TRIM44: variants seen among roughly 807,000 people sequenced by gnomAD.
The protein encoded by TRIM44 is tripartite motif-containing protein 44.
TRIM44 carries 13 observed loss-of-function variants against 37.4 expected under a neutral mutation model. The observed-to-expected ratio is 0.35, with a 90% CI of 0.23 to 0.55. The LOEUF is 0.55. Ranked by LOEUF, TRIM44 falls within the 20% of genes least tolerant of loss-of-function variation. TRIM44 has a pLI of 0.89. For missense variants in TRIM44, 426 were observed against 437.2 expected, an observed-to-expected ratio of 0.97 and a Z score of 0.23; for synonymous variants, 175 against 157.2, an observed-to-expected ratio of 1.11 and a Z score of -0.85.
intron 1 of TRIM44, among the ~76,000 whole-genome samples, chr11:35,673,237 A>G (rs1223689570): frequency 6.6e-6 from 1 of 152,230 alleles, no homozygotes; most frequent in East Asian, 1.9e-4. Flanking sequence ...GATGTGTTAT[A>G]GAAGGCATCT....
chr11:35,666,974 T>G (rs1235220300), intron 1 of TRIM44, among the ~76,000 whole-genome samples: 2 of 152,224 alleles, frequency 1.3e-5, no homozygotes, highest in Admixed American at 1.3e-4. Flanking sequence ...GTTATTTGTT[T>G]TTTCTTGCCT....
chr11:35,756,260 T>C (rs1445810782), intron 4 of TRIM44, among the ~76,000 whole-genome samples: 1 of 152,164 alleles, frequency 6.6e-6, no homozygotes, highest in African/African-American at 2.4e-5. Flanking sequence ...GTATTCTCTT[T>C]GAAGCAATTG....
At chr11:35,683,787 A>G (rs1033363083) in intron 1 of TRIM44, among the ~76,000 whole-genome samples, 2 of 151,910 alleles carry the variant, frequency 1.3e-5, no homozygotes, top group African/African-American at 4.8e-5. Context: ...TTAAGGTTAT[A>G]TGTTCATTCA....
chr11:35,686,371 TTTG>T (rs1424127658), intron 2 of TRIM44, among the ~76,000 whole-genome samples: 1 of 150,676 alleles, frequency 6.6e-6, no homozygotes, highest in African/African-American at 2.5e-5. Context: ...TGTTTTTGTT[TTTG>T]TTTTTTTTTT....
At chr11:35,801,847 A>C (rs1853374847) in intron 4 of TRIM44, among the ~76,000 whole-genome samples, 1 of 152,190 alleles carries the variant, frequency 6.6e-6, no homozygotes, top group Admixed American at 6.5e-5. Context: ...AGGAGCTCCC[A>C]GTTCCTTTAG....
At chr11:35,669,352 C>G (rs1851365784) in intron 1 of TRIM44, among the ~76,000 whole-genome samples, 1 of 152,038 alleles carries the variant, frequency 6.6e-6, no homozygotes, top group Non-Finnish European at 1.5e-5. Context: ...CTCTACCTTC[C>G]CCTTTGGATG....
chr11:35,680,556 T>G (rs1851510846), intron 1 of TRIM44, among the ~76,000 whole-genome samples: 1 of 152,202 alleles, frequency 6.6e-6, no homozygotes, highest in African/African-American at 2.4e-5. Flanking sequence ...ATTCCACAGT[T>G]TATTTAGCCA....
At chr11:35,783,310 A>C (rs1853088717) in intron 4 of TRIM44, among the ~76,000 whole-genome samples, 1 of 152,104 alleles carries the variant, frequency 6.6e-6, no homozygotes, top group South Asian at 2.1e-4. Flanking sequence ...AAATGATCAA[A>C]ATGTTCTCCC....
At chr11:35,794,196 G>A (rs765174763) in intron 4 of TRIM44, among the ~76,000 whole-genome samples, 81 of 152,288 alleles carry the variant, frequency 5.3e-4, no homozygotes, top group Non-Finnish European at 1.8e-4. Context: ...GAGGGAAAGA[G>A]GGGAGCCATG....
At position 35,696,884 on chromosome 11, in the gene TRIM44, A is replaced by T. The variant is rs143260105; in HGVS notation, c.747+11548A>T. On this transcript the variant is annotated intron_variant, in intron 2 of 4. Coordinates refer to ENST00000299413, the MANE Select transcript of TRIM44 (RefSeq NM_017583.6). ...AACAATTAATTAATTAATTAATTAA[A>T]TAAAAGGCAAACAAAAATGTTTCAT... 8.1e-3 allele frequency among the ~76,000 whole-genome samples: 1,229 copies of T among 152,194 alleles called. 12 individuals carry two copies. The highest frequency in any genetic ancestry group is 0.028 in the African/African-American group (1,163 of 41,514).
chr11:35,686,134 CT>C (rs1193060876), intron 2 of TRIM44, among the ~76,000 whole-genome samples: 82 of 145,346 alleles, frequency 5.6e-4, no homozygotes, highest in East Asian at 2.8e-3. Flanking sequence ...AGTGTCCCGG[CT>C]TTTTTTTTTT....
chr11:35,712,654 G>C (rs148020389), intron 2 of TRIM44, among the ~76,000 whole-genome samples: 22 of 152,258 alleles, frequency 1.4e-4, no homozygotes, highest in Non-Finnish European at 2.2e-4. Flanking sequence ...TCCTGCTCCA[G>C]CTCCTCTCTG....
At chr11:35,740,096 TA>T (rs1258985035) in intron 4 of TRIM44, among the ~76,000 whole-genome samples, 11,069 of 64,556 alleles carry the variant, frequency 0.17, 468 homozygotes, top group Non-Finnish European at 0.2. Flanking sequence ...AGACTCTGTC[TA>T]AAAAAAAAAA....
At chr11:35,776,936 T>A (rs1480030269) in intron 4 of TRIM44, among the ~76,000 whole-genome samples, 1 of 150,696 alleles carries the variant, frequency 6.6e-6, no homozygotes, top group Non-Finnish European at 1.5e-5. Flanking sequence ...ATTCTGTTGA[T>A]TTGGGGTGGA....
intron 4 of TRIM44, among the ~76,000 whole-genome samples, chr11:35,761,862 T>C (rs1163154748): frequency 1.4e-4 from 21 of 152,216 alleles, no homozygotes; most frequent in Admixed American, 1.4e-3. Context: ...TAAAGTGACT[T>C]ACCTTCCCTG....
intron 2 of TRIM44, among the ~76,000 whole-genome samples, chr11:35,691,848 T>C (rs1851640136): frequency 6.6e-6 from 1 of 152,188 alleles, no homozygotes; most frequent in Non-Finnish European, 1.5e-5. Flanking sequence ...GGTTTCACTG[T>C]GTTAGCCAGA....
Position 35,810,820 on chromosome 11 carries a change from C to A in TRIM44, c.*4435C>A, listed in dbSNP as rs1284979613. The A allele has an allele frequency of 6.6e-6, 1 of 152,192 alleles. No homozygotes were observed. The highest frequency in any genetic ancestry group is 1.5e-5 in the Non-Finnish European group (1 of 68,038). 9.4% of individuals were successfully genotyped at this position (152,192 alleles called of 1,614,324 possible). ...AACCAATGAATCCATTGTCCTCTGC[C>A]TATTTTCCTGTGCACAGTCACATTC... On this transcript the variant is annotated 3_prime_UTR_variant, in exon 5 of 5. Coordinates refer to ENST00000299413, the MANE Select transcript of TRIM44 (RefSeq NM_017583.6).
At chr11:35,688,794 TG>T (rs1297970711) in intron 2 of TRIM44, among the ~76,000 whole-genome samples, 14 of 152,190 alleles carry the variant, frequency 9.2e-5, no homozygotes, top group Non-Finnish European at 2.1e-4. Flanking sequence ...TGGCCTGGGG[TG>T]GCTAGACAAT....
intron 4 of TRIM44, among the ~76,000 whole-genome samples, chr11:35,765,177 C>G (rs1205874150): frequency 6.6e-6 from 1 of 152,084 alleles, no homozygotes; most frequent in African/African-American, 2.4e-5. Flanking sequence ...TTCAGGACCT[C>G]TGTCATGAGA....
Sources: allele counts gnomAD v4.1 joint callset (sites outside exome capture counted in the v4.1 genomes callset), GRCh38; gene constraint gnomAD v4.1.1; transcripts MANE v1.5; gene names NCBI Gene and HGNC (gene_info 2026-07-23, HGNC 2026-07-21).